ING5: variants seen among roughly 807,000 people sequenced by gnomAD.
ING5 encodes inhibitor of growth family member 5.
ING5 carries 17 observed loss-of-function variants against 37.4 expected under a neutral mutation model. The ratio of observed to expected loss-of-function variants is 0.45; its 90% CI spans 0.31 to 0.68. ING5 has a LOEUF of 0.68. Ranked by LOEUF, ING5 falls within the 30% of genes least tolerant of loss-of-function variation. The probability of loss-of-function intolerance (pLI) is 0.05; values close to 1 mark genes in which losing one functional copy is unlikely to be tolerated. For synonymous variants in ING5, 123 were observed against 116.6 expected, an observed-to-expected ratio of 1.06 and a Z score of -0.36; for missense variants, 233 against 311.9, an observed-to-expected ratio of 0.75 and a Z score of 1.91.
intron 5 of ING5, among the ~76,000 whole-genome samples, chr2:241,714,420 G>C (rs1250927162): frequency 6.6e-6 from 1 of 152,094 alleles, no homozygotes; most frequent in Non-Finnish European, 1.5e-5. Context: ...TTCTTCTCGA[G>C]TCAGTTTTGG....
At chr2:241,712,624 C>A (rs891279569) in intron 5 of ING5, among the ~76,000 whole-genome samples, 1 of 152,042 alleles carries the variant, frequency 6.6e-6, no homozygotes, top group Non-Finnish European at 1.5e-5. Context: ...TGTTGTATAC[C>A]CTCCAAAGAG....
chr2:241,715,470 GA>G (rs2070237510), intron 5 of ING5, among the ~76,000 whole-genome samples: 1 of 125,226 alleles, frequency 8.0e-6, no homozygotes, highest in African/African-American at 3.2e-5. Flanking sequence ...TGCTGGAATA[GA>G]ATTTTTTTTT....
chr2:241,722,378 C>T (rs1321116988), intron 5 of ING5: 8 of 985,296 alleles, frequency 8.1e-6, no homozygotes, highest in Non-Finnish European at 7.2e-6. Flanking sequence ...AGAGTGGACT[C>T]GTCCCCAGAG....
exon 1 of ING5, chr2:241,687,092 G>C (rs1351853330): frequency 2.5e-6 from 1 of 392,698 alleles, no homozygotes; most frequent in East Asian, 3.7e-5. Context: ...CGCGGCGCGG[G>C]CTGGACGGCC....
chr2:241,693,310 G>A lies in ING5; in HGVS notation c.43+2657G>A, dbSNP rs556034027. ...AAGGGCCCTATCTACAAACAGTCAC[G>A]TTGGGGGTCAGGGCTTCAACACAGG... On this transcript the variant is annotated intron_variant, in intron 2 of 7. Transcript: ENST00000636051. 3.1e-3 allele frequency among the ~76,000 whole-genome samples: 459 copies of A among 149,764 alleles called. 1 individual carries two copies. Among genetic ancestry groups the A allele is most frequent in the Non-Finnish European group, 4.4e-3 (300 of 67,726 alleles).
At chr2:241,723,839 A>T (rs1691496316) in intron 7 of ING5, 6 of 1,571,556 alleles carry the variant, frequency 3.8e-6, no homozygotes, top group Non-Finnish European at 5.2e-6. Context: ...GGGAGACCCC[A>T]ACTCTACAAA....
At chr2:241,701,953 G>A (rs1412778277), upstream of ING5, 4 of 594,208 alleles carry the variant, frequency 6.7e-6, no homozygotes, top group South Asian at 2.1e-4. Context: ...GCCCCCGGGC[G>A]CGACCAATCA....
chr2:241,708,974 G>T (rs1018666839), intron 2 of ING5: 2 of 365,758 alleles, frequency 5.5e-6, no homozygotes, highest in African/African-American at 2.1e-5. Context: ...ACCACTTGCT[G>T]TGTAACATTC....
chr2:241,725,197 C>G lies in ING5; in HGVS notation c.*166C>G. On this transcript the variant is annotated 3_prime_UTR_variant, in exon 8 of 8. Coordinates refer to ENST00000313552, the MANE Select transcript of ING5 (RefSeq NM_032329.6). ...AGAACAAGAACCACCAAAGCCTGTT[C>G]GCACAGAAGGGCGACCTTGCAGGGA... 6 of 749,754 alleles carry G rather than the reference C, an allele frequency of 8.0e-6. No individual in the cohort carries two copies. The highest frequency in any genetic ancestry group is 4.8e-4 in the Middle Eastern group (2 of 4,206). 46.4% of individuals were successfully genotyped at this position (749,754 alleles called of 1,614,324 possible).
rs141926564 is a variant in ING5 at position 241,712,637 on chromosome 2, C to T, written c.482+566C>T. On this transcript the variant is annotated intron_variant, in intron 5 of 7. Coordinates refer to ENST00000313552, the MANE Select transcript of ING5 (RefSeq NM_032329.6). ...GGTGTTGTATACCCTCCAAAGAGAT[C>T]GTAGCATTACCTCAGAGGAGTGACA... 1.0e-3 allele frequency among the ~76,000 whole-genome samples: 152 copies of T among 152,256 alleles called. 1 individual carries two copies. Among genetic ancestry groups the T allele is most frequent in the African/African-American group, 3.3e-3 (139 of 41,560 alleles).
chr2:241,716,988 CA>C (rs2070291192), intron 5 of ING5, among the ~76,000 whole-genome samples: 1 of 151,372 alleles, frequency 6.6e-6, no homozygotes, highest in Admixed American at 6.6e-5. Context: ...AATATAGTCT[CA>C]AAAAAATGTG....
At chr2:241,704,795 G>A in intron 2 of ING5, 71 bp downstream of exon 2, 1 of 1,313,954 alleles carries the variant, frequency 7.6e-7, no homozygotes, top group Non-Finnish European at 1.1e-6. Flanking sequence ...CCTGAAGGCT[G>A]GGGGCAGAGG....
intron 2 of ING5, among the ~76,000 whole-genome samples, chr2:241,704,927 CT>C (rs1559301051): frequency 1.3e-5 from 2 of 152,184 alleles, no homozygotes; most frequent in African/African-American, 4.8e-5. Flanking sequence ...TCTTACACAT[CT>C]TTATATCATG....
chr2:241,713,675 T>C (rs1455929289), intron 5 of ING5, among the ~76,000 whole-genome samples: 19 of 147,626 alleles, frequency 1.3e-4, no homozygotes, highest in Admixed American at 1.3e-3. Flanking sequence ...CCAGCCCCAA[T>C]TTTCAGTTTT....
chr2:241,722,719 C>G (rs2070462235), intron 5 of ING5: 1 of 985,308 alleles, frequency 1.0e-6, no homozygotes, highest in African/African-American at 1.7e-5. Flanking sequence ...GTGGCTGGCC[C>G]TGGAGTCGCA....
intron 5 of ING5, chr2:241,721,637 T>TA: frequency 1.0e-6 from 1 of 985,502 alleles, no homozygotes; most frequent in Non-Finnish European, 1.2e-6. Flanking sequence ...GCCACGTTCC[T>TA]CCTGCTAACC....
At chr2:241,724,155 C>T (rs1006424242) in intron 7 of ING5, 23 of 862,262 alleles carry the variant, frequency 2.7e-5, no homozygotes, top group Admixed American at 4.7e-5. Context: ...TTTGAAACTC[C>T]GGCAGACTCG....
chr2:241,702,519 G>A (rs928507598), intron 1 of ING5, among the ~76,000 whole-genome samples: 2 of 122,712 alleles, frequency 1.6e-5, no homozygotes, highest in African/African-American at 5.5e-5. Flanking sequence ...GCGGGGCTCC[G>A]GGCCTTGGGG....
At position 241,722,870 on chromosome 2, in the gene ING5, C is replaced by G. The variant is rs570597955; in HGVS notation, c.483-69C>G. On this transcript the variant is annotated intron_variant, in intron 5 of 7. Coordinates refer to ENST00000313552, the MANE Select transcript of ING5 (RefSeq NM_032329.6). The stretch of plus-strand genomic sequence containing the variant: ...GGGCCTTAAGTCAGAGACAGAAGGG[C>G]CCGTGGTGTCCGTGCCGCCTCACTT... 30 of 1,597,306 alleles carry G rather than the reference C, an allele frequency of 1.9e-5. No homozygotes were observed. The African/African-American group carries it at 2.5e-4, about 14-fold the overall frequency.
Sources: gnomAD v4.1 joint callset for allele counts (sites outside exome capture counted in the v4.1 genomes callset) on GRCh38, gnomAD v4.1.1 for gene constraint, MANE v1.5 for transcripts, NCBI Gene and HGNC (gene_info 2026-07-23, HGNC 2026-07-21) for gene names.